DNAH10: variants seen among roughly 807,000 people sequenced by gnomAD.
DNAH10 encodes axonemal beta dynein heavy chain 10.
Under a neutral mutation model 506.6 loss-of-function variants are expected in DNAH10, and 348 were observed. The observed-to-expected ratio is 0.69, with a 90% CI of 0.63 to 0.75. The LOEUF (loss-of-function observed/expected upper bound fraction) is 0.75. Ranked by LOEUF, DNAH10 falls within the 30% of genes least tolerant of loss-of-function variation. The probability of loss-of-function intolerance (pLI) is 0.00; values close to 1 mark genes in which losing one functional copy is unlikely to be tolerated. For synonymous variants in DNAH10, 2,059 were observed against 2,198.6 expected, an observed-to-expected ratio of 0.94 and a Z score of 1.78; for missense variants, 5,179 against 5,787.1, an observed-to-expected ratio of 0.89 and a Z score of 3.41.
intron 66 of DNAH10, 143 bp downstream of exon 66, chr12:123,924,010 T>C (rs1954836121): frequency 2.7e-6 from 2 of 740,776 alleles, no homozygotes; most frequent in Admixed American, 3.0e-5. Context: ...ACTATTCCAG[T>C]TGATCATTCC....
chr12:123,859,189 C>A lies in DNAH10; in HGVS notation c.6670C>A (p.Arg2224Ser), dbSNP rs376402035. ...TCAAATGTTCGAGACCATGTTAACC[C>A]GCCACACGACGATGGTGGTGGGGCC... is the stretch of plus-strand genomic sequence containing the variant. ...VVQMFETMLT[R>S]HTTMVVGPTR... The change falls in exon 38 of 79, where the codon CGC becomes AGC. Residue 2224 changes from arginine to serine, a missense_variant. By Grantham distance (110) the Arg-to-Ser change is moderately radical (BLOSUM62 -1). Transcript: ENST00000673944. The A allele has an allele frequency of 6.2e-7, 1 of 1,611,784 alleles. No homozygotes were observed. The highest frequency in any genetic ancestry group is 1.1e-5 in the South Asian group (1 of 90,288).
At chr12:123,776,419 C>T (rs1396782117) in intron 5 of DNAH10, among the ~76,000 whole-genome samples, 3 of 151,482 alleles carry the variant, frequency 2.0e-5, no homozygotes, top group Non-Finnish European at 4.4e-5. Context: ...ATAGCAAGGC[C>T]CCATCTCTAA....
chr12:123,889,344 A>G (rs1227074243), intron 52 of DNAH10, among the ~76,000 whole-genome samples: 2 of 152,228 alleles, frequency 1.3e-5, no homozygotes, highest in Non-Finnish European at 2.9e-5. Flanking sequence ...CATTTTGATC[A>G]TTGCGTTTTA....
At chr12:123,881,564 T>C in intron 50 of DNAH10, 61 bp from the exon 51 acceptor site, 3 of 1,439,934 alleles carry the variant, frequency 2.1e-6, no homozygotes, top group Non-Finnish European at 2.8e-6. Context: ...CTTTGTCAGA[T>C]GGGTAGATTG....
chr12:123,795,765 A>G (rs1174673127), intron 12 of DNAH10, among the ~76,000 whole-genome samples: 1 of 152,202 alleles, frequency 6.6e-6, no homozygotes, highest in Non-Finnish European at 1.5e-5. Flanking sequence ...TGCCACACCT[A>G]ATTACCCCCA....
intron 51 of DNAH10, among the ~76,000 whole-genome samples, chr12:123,884,003 T>C (rs1952621693): frequency 6.6e-6 from 1 of 152,266 alleles, no homozygotes; most frequent in Non-Finnish European, 1.5e-5. Context: ...GTCATTTTCA[T>C]GACTCTTCTC....
At chr12:123,904,911 T>C (rs1953705792) in intron 57 of DNAH10, among the ~76,000 whole-genome samples, 1 of 152,196 alleles carries the variant, frequency 6.6e-6, no homozygotes, top group African/African-American at 2.4e-5. Flanking sequence ...CTCTATCAGC[T>C]GTGGTCACCT....
Position 123,820,599 on chromosome 12 carries a change from T to C in DNAH10, c.4020T>C (p.Val1340=). 2 of 1,613,882 alleles carry C rather than the reference T, an allele frequency of 1.2e-6. No homozygotes were observed. The highest frequency in any genetic ancestry group is 1.1e-5 in the South Asian group (1 of 91,074). The change falls in exon 24 of 79, where the codon GTT becomes GTC. Residue 1340 remains valine (V), a synonymous_variant. Transcript: ENST00000673944. ...DLDKGVELLG[V]YERELARHEK... ...TACTAGGAGTAGAGCTTTTAGGTGT[T>C]TATGAAAGAGAGCTGGCAAGACATG...
At chr12:123,782,411 CTTTTTT>C (rs935250437) in intron 6 of DNAH10, among the ~76,000 whole-genome samples, 1 of 86,048 alleles carries the variant, frequency 1.2e-5, no homozygotes, top group African/African-American at 5.2e-5. Context: ...TTCTTTCTTT[CTTTTTT>C]TTTTTTTTTT....
At chr12:123,789,890 A>T in intron 10 of DNAH10, 37 bp from the exon 11 acceptor site, 1 of 1,582,240 alleles carries the variant, frequency 6.3e-7, no homozygotes, top group Non-Finnish European at 8.6e-7. Flanking sequence ...AGGAAAACCC[A>T]AATGTAATCT....
chr12:123,848,676 C>T, intron 33 of DNAH10, 54 bp from the exon 34 acceptor site: 2 of 1,603,730 alleles, frequency 1.2e-6, no homozygotes, highest in Non-Finnish European at 1.7e-6. Flanking sequence ...AAATGTGTTG[C>T]TTGCAGTTTT....
intron 14 of DNAH10, among the ~76,000 whole-genome samples, chr12:123,800,007 C>T (rs921184369): frequency 6.6e-6 from 1 of 152,150 alleles, no homozygotes; most frequent in Non-Finnish European, 1.5e-5. Context: ...GGTGAAATTG[C>T]TCCATTTTCA....
At chr12:123,780,249 C>A (rs1037425416) in intron 5 of DNAH10, among the ~76,000 whole-genome samples, 1 of 151,706 alleles carries the variant, frequency 6.6e-6, no homozygotes, top group South Asian at 2.1e-4. Flanking sequence ...TCCCTGCAAC[C>A]GCCGCCTCCT....
At chr12:123,765,582 ATCT>A (rs1162082990) in intron 1 of DNAH10, among the ~76,000 whole-genome samples, 2 of 150,772 alleles carry the variant, frequency 1.3e-5, no homozygotes, top group African/African-American at 4.9e-5. Context: ...CTATCTATCT[ATCT>A]ATCTATCTAT....
chr12:123,835,091 T>C (rs1960994146), intron 27 of DNAH10, among the ~76,000 whole-genome samples: 1 of 152,244 alleles, frequency 6.6e-6, no homozygotes, highest in Non-Finnish European at 1.5e-5. Flanking sequence ...GTGTCTGGCA[T>C]GGCCTGTCCT....
intron 27 of DNAH10, 126 bp from the exon 28 acceptor site, chr12:123,835,280 C>T: frequency 9.4e-7 from 1 of 1,061,472 alleles, no homozygotes; most frequent in Non-Finnish European, 1.3e-6. Flanking sequence ...CACTCTGTCA[C>T]CTTGCCTGGA....
intron 34 of DNAH10, among the ~76,000 whole-genome samples, chr12:123,849,116 G>C (rs560727364): frequency 6.6e-6 from 1 of 152,316 alleles, no homozygotes; most frequent in African/African-American, 2.4e-5. Context: ...AGAACCAATA[G>C]TTATGAATGG....
At chr12:123,910,028 C>T (rs977100035) in intron 58 of DNAH10, among the ~76,000 whole-genome samples, 9 of 152,216 alleles carry the variant, frequency 5.9e-5, no homozygotes, top group African/African-American at 1.9e-4. Context: ...TACAAGTTAA[C>T]GCTGTGTTTG....
chr12:123,767,951 G>T (rs148465536), intron 2 of DNAH10, among the ~76,000 whole-genome samples: 1 of 152,266 alleles, frequency 6.6e-6, no homozygotes, highest in East Asian at 1.9e-4. Flanking sequence ...CAAGGTGCTG[G>T]CAGGGCTGCG....
Sources: gnomAD v4.1 joint callset for allele counts (sites outside exome capture counted in the v4.1 genomes callset) on GRCh38, gnomAD v4.1.1 for gene constraint, MANE v1.5 for transcripts, NCBI Gene and HGNC (gene_info 2026-07-23, HGNC 2026-07-21) for gene names.